OSBP2: variants seen among roughly 807,000 people sequenced by gnomAD.
The protein encoded by OSBP2 is oxysterol-binding protein 2.
Under a neutral mutation model 96.0 loss-of-function variants are expected in OSBP2, and 66 were observed. That is an observed-to-expected ratio of 0.69 (90% CI 0.56 to 0.84). The LOEUF (loss-of-function observed/expected upper bound fraction) is 0.84, where lower values mean the gene tolerates loss of function less well. OSBP2 is among the 40% of genes least tolerant of loss of function. The pLI, the probability that OSBP2 is intolerant of heterozygous loss-of-function variation, is 0.00. For synonymous variants in OSBP2, 525 were observed against 520.9 expected (o/e 1.01, Z -0.11); for missense variants, 1,038 against 1,222.7 (o/e 0.85, Z 2.25).
At chr22:30,809,357 C>T (rs1474347951) in intron 2 of OSBP2, among the ~76,000 whole-genome samples, 1 of 152,152 alleles carries the variant, frequency 6.6e-6, no homozygotes, top group East Asian at 1.9e-4. Context: ...TGCGAGAAAT[C>T]GAGAAGTGTA....
chr22:30,722,953 C>A (rs1190535877), intron 1 of OSBP2, among the ~76,000 whole-genome samples: 1 of 151,012 alleles, frequency 6.6e-6, no homozygotes. Context: ...CAGGATAATT[C>A]TTTTTGAATT....
intron 2 of OSBP2, among the ~76,000 whole-genome samples, chr22:30,811,221 G>A (rs2091002091): frequency 1.4e-5 from 2 of 146,764 alleles, no homozygotes; most frequent in Admixed American, 7.2e-5. Flanking sequence ...TACTGATCAA[G>A]AGCTTGCTTT....
intron 2 of OSBP2, among the ~76,000 whole-genome samples, chr22:30,776,869 A>G (rs2090444889): frequency 6.6e-6 from 1 of 152,218 alleles, no homozygotes; most frequent in African/African-American, 2.4e-5. Context: ...CACCTCTTGC[A>G]TCAGCGTGAC....
At chr22:30,778,773 C>T (rs192490673) in intron 2 of OSBP2, among the ~76,000 whole-genome samples, 5 of 152,176 alleles carry the variant, frequency 3.3e-5, no homozygotes, top group Non-Finnish European at 5.9e-5. Flanking sequence ...CAGTGGCTCA[C>T]CCCTGTAATC....
rs5997798 is a variant in OSBP2, at chr22:30,875,563, C to T, written c.1107+4881C>T. Among the ~76,000 whole-genome samples, 3 of 151,860 alleles carry T rather than the reference C, an allele frequency of 2.0e-5. 1 individual carries two copies. Among genetic ancestry groups the T allele is most frequent in the Admixed American group, 2.0e-4 (3 of 15,254 alleles). On this transcript the variant is annotated intron_variant, in intron 3 of 13. Transcript: ENST00000332585. Reference sequence around the variant, plus strand: ...AATTTTGTATTTTCAATAGAGAAGACGTTTCTCCATGTTGGTCAGGCTGGT... The same window carrying T: ...AATTTTGTATTTTCAATAGAGAAGATGTTTCTCCATGTTGGTCAGGCTGGT...
chr22:30,889,107 A>G (rs2039884457), intron 5 of OSBP2, 70 bp from the exon 6 acceptor site: 2 of 1,359,632 alleles, frequency 1.5e-6, no homozygotes, highest in South Asian at 1.3e-5. Context: ...TTGTCTGGAG[A>G]GAGGATGGGC....
At chr22:30,876,052 G>A (rs1251475956) in intron 3 of OSBP2, among the ~76,000 whole-genome samples, 1 of 152,276 alleles carries the variant, frequency 6.6e-6, no homozygotes, top group Non-Finnish European at 1.5e-5. Context: ...AGTTGGCGGA[G>A]AGGCAGATTC....
At chr22:30,852,283 G>A (rs5997784) in intron 2 of OSBP2, among the ~76,000 whole-genome samples, 159 of 152,198 alleles carry the variant, frequency 1.0e-3, no homozygotes, top group African/African-American at 3.7e-3. Context: ...GCCACCATTT[G>A]GACCTGAGTT....
chr22:30,741,021 G>C, intron 1 of OSBP2, 140 bp from the exon 2 acceptor site: 1 of 671,158 alleles, frequency 1.5e-6, no homozygotes, highest in East Asian at 2.7e-5. Flanking sequence ...GTTCCAATAG[G>C]CATCATCTCC....
At chr22:30,805,297 A>G (rs1304206365) in intron 2 of OSBP2, among the ~76,000 whole-genome samples, 1 of 152,248 alleles carries the variant, frequency 6.6e-6, no homozygotes, top group African/African-American at 2.4e-5. Context: ...TGTAGTGATG[A>G]CTATTTGTCA....
At chr22:30,905,693 C>T (rs2040315439) in intron 12 of OSBP2, 144 bp from the exon 13 acceptor site, 1 of 1,284,534 alleles carries the variant, frequency 7.8e-7, no homozygotes, top group East Asian at 2.5e-5. Context: ...TGGGGTGGGC[C>T]CAAGGCCAGA....
chr22:30,825,542 C>T (rs1283726766), intron 2 of OSBP2, among the ~76,000 whole-genome samples: 1 of 152,178 alleles, frequency 6.6e-6, no homozygotes, highest in Non-Finnish European at 1.5e-5. Flanking sequence ...GGGGAAGCAC[C>T]CACTTGAGGT....
chr22:30,793,757 G>T (rs938874276), intron 2 of OSBP2, among the ~76,000 whole-genome samples: 1 of 152,132 alleles, frequency 6.6e-6, no homozygotes, highest in African/African-American at 2.4e-5. Context: ...TCATTTGGGA[G>T]GCTGAGCCCA....
chr22:30,701,662 A>T (rs2089166030), intron 1 of OSBP2, among the ~76,000 whole-genome samples: 2 of 152,120 alleles, frequency 1.3e-5, no homozygotes, highest in Admixed American at 6.6e-5. Flanking sequence ...AATTTTGATA[A>T]TACTCAAAGG....
intron 6 of OSBP2, 124 bp downstream of exon 6, chr22:30,889,358 T>C: frequency 7.1e-7 from 1 of 1,415,726 alleles, no homozygotes; most frequent in Non-Finnish European, 9.9e-7. Flanking sequence ...AGGAGCACCA[T>C]CCTGGCCTTC....
chr22:30,864,445 A>G (rs909828325), intron 2 of OSBP2, among the ~76,000 whole-genome samples: 6 of 152,212 alleles, frequency 3.9e-5, no homozygotes, highest in Middle Eastern at 3.4e-3. Context: ...GGCGTGGCTC[A>G]GGAGTGGGAA....
intron 1 of OSBP2, among the ~76,000 whole-genome samples, chr22:30,706,458 A>C (rs2145677324): frequency 6.6e-6 from 1 of 152,212 alleles, no homozygotes; most frequent in East Asian, 1.9e-4. Flanking sequence ...ATCTTGACTC[A>C]CACCATTTGA....
chr22:30,705,831 C>A (rs2145676345), intron 1 of OSBP2, among the ~76,000 whole-genome samples: 1 of 152,270 alleles, frequency 6.6e-6, no homozygotes, highest in Admixed American at 6.5e-5. Flanking sequence ...CACTGTCACA[C>A]AACTGGAGTG....
At chr22:30,775,531 C>A (rs1045601064) in intron 2 of OSBP2, among the ~76,000 whole-genome samples, 18 of 151,744 alleles carry the variant, frequency 1.2e-4, no homozygotes, top group African/African-American at 3.6e-4. Context: ...GCAAGAGAAT[C>A]GCTTGAACCT....
Sources: allele counts gnomAD v4.1 joint callset (sites outside exome capture counted in the v4.1 genomes callset), GRCh38; gene constraint gnomAD v4.1.1; transcripts MANE v1.5; gene names NCBI Gene and HGNC (gene_info 2026-07-23, HGNC 2026-07-21).